ANKS1B: variants seen among roughly 807,000 people sequenced by gnomAD.
The protein encoded by ANKS1B is ankyrin repeat and sterile alpha motif domain containing 1B.
In ANKS1B, 36 loss-of-function variants were observed where a neutral mutation model predicts 148.3. The ratio of observed to expected loss-of-function variants is 0.24; its 90% CI spans 0.19 to 0.32. The LOEUF (loss-of-function observed/expected upper bound fraction) is 0.32, where lower values mean the gene tolerates loss of function less well. ANKS1B is among the 10% of genes least tolerant of loss of function. ANKS1B has a pLI of 1.00. For synonymous variants in ANKS1B, 542 were observed against 560.8 expected, an observed-to-expected ratio of 0.97 and a Z score of 0.47; for missense variants, 1,157 against 1,542.6, an observed-to-expected ratio of 0.75 and a Z score of 4.19.
At chr12:98,895,394 C>A in intron 17 of ANKS1B, 2 of 848,508 alleles carry the variant, frequency 2.4e-6, no homozygotes, top group Non-Finnish European at 2.8e-6. Context: ...GGCTCGGCAG[C>A]GGCAGAGCAG....
Position 99,841,788 on chromosome 12 carries a change from T to C in ANKS1B, c.135-16399A>G, listed in dbSNP as rs189402661. Among the ~76,000 whole-genome samples the C allele has an allele frequency of 4.6e-5, 7 of 152,190 alleles. No homozygotes were observed. In the East Asian group the frequency reaches 1.2e-3, roughly 25 times the overall value. On this transcript the variant is annotated intron_variant, in intron 1 of 26. Transcript: ENST00000683438. Reference sequence around the variant, plus strand: ...TAATTTATTGACTAGAAATCATACATATTTTTAAATCGGTTGTTATTGTCC... The same window carrying C: ...TAATTTATTGACTAGAAATCATACACATTTTTAAATCGGTTGTTATTGTCC...
intron 10 of ANKS1B, among the ~76,000 whole-genome samples, chr12:99,491,406 T>G (rs1273119066): frequency 6.6e-6 from 1 of 152,170 alleles, no homozygotes; most frequent in Non-Finnish European, 1.5e-5. Context: ...TTTATTTTAG[T>G]TTCAAGGCTA....
chr12:99,298,204 T>C (rs553406333), intron 12 of ANKS1B, among the ~76,000 whole-genome samples: 1 of 152,310 alleles, frequency 6.6e-6, no homozygotes, highest in South Asian at 2.1e-4. Context: ...ATTTATTGAA[T>C]GTTTCCTACG....
intron 10 of ANKS1B, among the ~76,000 whole-genome samples, chr12:99,501,117 G>A (rs181552239): frequency 6.6e-6 from 1 of 151,702 alleles, no homozygotes; most frequent in Admixed American, 6.6e-5. Context: ...AATATGCTAG[G>A]TCATTTTCTT....
chr12:99,961,627 C>G (rs1468760275), intron 1 of ANKS1B, among the ~76,000 whole-genome samples: 1 of 152,156 alleles, frequency 6.6e-6, no homozygotes, highest in Non-Finnish European at 1.5e-5. Flanking sequence ...AAAAAGCAAG[C>G]AAGACCTCCA....
rs1396582968 is a variant in ANKS1B, at chr12:99,504,574, G to A, written c.1340C>T (p.Pro447Leu). The change falls in exon 10 of 27, where the codon CCT becomes CTT. Residue 447 changes from proline to leucine, a missense_variant. By Grantham distance (98) the Pro-to-Leu change is moderately conservative (BLOSUM62 -3). Transcript: ENST00000683438. ...IVPSASLDTF[P>L]SENENFLCDL... ...ACACAGAAAGTTCTCATTTTCTGAA[G>A]GAAATGTATCCAGAGAAGCAGATGG... 1 of 1,612,342 alleles carries A rather than the reference G, an allele frequency of 6.2e-7. No homozygotes were observed. The highest frequency in any genetic ancestry group is 1.3e-5 in the African/African-American group (1 of 74,858).
intron 9 of ANKS1B, among the ~76,000 whole-genome samples, chr12:99,538,864 T>C (rs1435524858): frequency 1.3e-5 from 2 of 152,210 alleles, no homozygotes; most frequent in Non-Finnish European, 2.9e-5. Context: ...AATGTGCTAC[T>C]AGCTATGGGT....
chr12:99,063,057 C>A (rs1449644969), intron 16 of ANKS1B, among the ~76,000 whole-genome samples: 1 of 152,132 alleles, frequency 6.6e-6, no homozygotes, highest in Non-Finnish European at 1.5e-5. Flanking sequence ...GTTGTCTTCA[C>A]TCCTCAGATA....
intron 8 of ANKS1B, among the ~76,000 whole-genome samples, chr12:99,726,072 A>G (rs144610189): frequency 1.6e-4 from 24 of 152,312 alleles, no homozygotes; most frequent in African/African-American, 5.5e-4. Context: ...CCTCACAATT[A>G]AAAGAGCTAG....
At chr12:99,875,840 C>A (rs2091992217) in intron 1 of ANKS1B, among the ~76,000 whole-genome samples, 1 of 152,146 alleles carries the variant, frequency 6.6e-6, no homozygotes, top group Non-Finnish European at 1.5e-5. Flanking sequence ...ATGTCCTTGC[C>A]TTTTGGAAGC....
chr12:99,533,004 T>C (rs1484562553), intron 9 of ANKS1B, among the ~76,000 whole-genome samples: 5 of 152,212 alleles, frequency 3.3e-5, no homozygotes, highest in Non-Finnish European at 5.9e-5. Context: ...CTTTTGCTAG[T>C]TAGGCTTTTT....
intron 11 of ANKS1B, among the ~76,000 whole-genome samples, chr12:99,431,240 A>C (rs2095364812): frequency 6.6e-6 from 1 of 152,228 alleles, no homozygotes; most frequent in Non-Finnish European, 1.5e-5. Flanking sequence ...TTCCTCACAG[A>C]TAAAACAGAA....
chr12:99,416,070 T>A (rs149897651), intron 11 of ANKS1B, among the ~76,000 whole-genome samples: 9 of 152,326 alleles, frequency 5.9e-5, no homozygotes, highest in Admixed American at 2.0e-4. Context: ...TATCCAGTTC[T>A]ACAATTTTGT....
At chr12:99,500,428 C>T (rs906171441) in intron 10 of ANKS1B, among the ~76,000 whole-genome samples, 1 of 152,182 alleles carries the variant, frequency 6.6e-6, no homozygotes. Flanking sequence ...ATAGCCAACA[C>T]TAACTTTCAG....
At chr12:99,002,387 T>A (rs2153371674) in intron 17 of ANKS1B, among the ~76,000 whole-genome samples, 1 of 152,312 alleles carries the variant, frequency 6.6e-6, no homozygotes, top group African/African-American at 2.4e-5. Flanking sequence ...ACAAAGATTG[T>A]ATATATTTAC....
intron 17 of ANKS1B, among the ~76,000 whole-genome samples, chr12:98,914,256 T>C (rs1339422952): frequency 6.6e-6 from 1 of 152,086 alleles, no homozygotes; most frequent in Non-Finnish European, 1.5e-5. Flanking sequence ...CTTGTCACCT[T>C]TTCAGCCATG....
intron 17 of ANKS1B, among the ~76,000 whole-genome samples, chr12:98,886,613 T>C (rs1304696957): frequency 6.6e-6 from 1 of 152,222 alleles, no homozygotes; most frequent in African/African-American, 2.4e-5. Flanking sequence ...ACACATCATA[T>C]TGTGGAAAAT....
chr12:99,655,575 A>T (rs2098446163), intron 8 of ANKS1B, among the ~76,000 whole-genome samples: 1 of 152,246 alleles, frequency 6.6e-6, no homozygotes, highest in South Asian at 2.1e-4. Context: ...GGGCACTAAC[A>T]GGAAAATATT....
intron 1 of ANKS1B, among the ~76,000 whole-genome samples, chr12:99,902,800 G>A (rs2093643970): frequency 6.6e-6 from 1 of 151,026 alleles, no homozygotes; most frequent in Non-Finnish European, 1.5e-5. Context: ...ATCCAGGCTG[G>A]AATGCAGCGG....
Sources: allele counts gnomAD v4.1 joint callset (sites outside exome capture counted in the v4.1 genomes callset), GRCh38; gene constraint gnomAD v4.1.1; transcripts MANE v1.5; gene names NCBI Gene and HGNC (gene_info 2026-07-23, HGNC 2026-07-21).